The following ASTN2 variants were observed in gnomAD, a reference collection of about 807,000 sequenced individuals.
ASTN2 encodes the protein astrotactin-2.
Under a neutral mutation model 139.8 loss-of-function variants are expected in ASTN2, and 54 were observed. The observed-to-expected ratio is 0.39, with a 90% CI of 0.31 to 0.48. ASTN2 has a LOEUF of 0.48. ASTN2 is among the 20% of genes least tolerant of loss of function. The pLI is 0.95. For missense variants in ASTN2, 1,565 were observed against 1,725.1 expected (o/e 0.91, Z 1.64); for synonymous variants, 756 against 719.5 (o/e 1.05, Z -0.81).
intron 13 of ASTN2, among the ~76,000 whole-genome samples, chr9:116,758,634 C>A (rs934755371): frequency 6.6e-6 from 1 of 152,124 alleles, no homozygotes; most frequent in African/African-American, 2.4e-5. Flanking sequence ...AAGCTTAGTG[C>A]GTATGCAGGG....
intron 2 of ASTN2, among the ~76,000 whole-genome samples, chr9:117,248,460 A>C (rs1306843918): frequency 1.3e-5 from 2 of 152,236 alleles, no homozygotes; most frequent in African/African-American, 2.4e-5. Context: ...CACAATGTCT[A>C]GTGCATACAA....
At chr9:117,328,559 T>A (rs927857938) in intron 1 of ASTN2, among the ~76,000 whole-genome samples, 1 of 152,178 alleles carries the variant, frequency 6.6e-6, no homozygotes, top group Non-Finnish European at 1.5e-5. Context: ...TCTCTAGATA[T>A]GCTATATGCG....
chr9:117,090,022 C>T (rs1471754958), intron 5 of ASTN2, among the ~76,000 whole-genome samples: 1 of 152,172 alleles, frequency 6.6e-6, no homozygotes, highest in East Asian at 1.9e-4. Context: ...ACACATGCTT[C>T]CTGGACCAGA....
intron 10 of ASTN2, among the ~76,000 whole-genome samples, chr9:116,920,328 A>G (rs1282583891): frequency 6.6e-6 from 1 of 152,218 alleles, no homozygotes; most frequent in Non-Finnish European, 1.5e-5. Context: ...AGTGGCTTAA[A>G]AGCAGAAGAA....
intron 2 of ASTN2, among the ~76,000 whole-genome samples, chr9:117,289,909 G>C (rs1834544914): frequency 6.6e-6 from 1 of 152,190 alleles, no homozygotes; most frequent in African/African-American, 2.4e-5. Flanking sequence ...TGTCTGGCTG[G>C]GGAGTGTATG....
At chr9:117,247,443 C>G (rs1033675860) in intron 2 of ASTN2, among the ~76,000 whole-genome samples, 1 of 152,080 alleles carries the variant, frequency 6.6e-6, no homozygotes, top group East Asian at 1.9e-4. Context: ...GTGGTGTGTC[C>G]CCACTGAGTA....
chr9:117,135,968 C>T (rs370467108), intron 4 of ASTN2, among the ~76,000 whole-genome samples: 48 of 152,222 alleles, frequency 3.2e-4, no homozygotes, highest in African/African-American at 1.1e-3. Context: ...ACAGCCCAGG[C>T]TAGGAGGGAG....
chr9:117,013,345 C>G (rs1181451649), intron 6 of ASTN2, among the ~76,000 whole-genome samples: 1 of 151,840 alleles, frequency 6.6e-6, no homozygotes, highest in Non-Finnish European at 1.5e-5. Context: ...AGTGTCCTCC[C>G]CACTTTACTG....
intron 2 of ASTN2, among the ~76,000 whole-genome samples, chr9:117,270,657 C>A (rs2133124211): frequency 6.6e-6 from 1 of 152,322 alleles, no homozygotes; most frequent in South Asian, 2.1e-4. Flanking sequence ...ACATGATAAA[C>A]TTTTCTAAAC....
intron 5 of ASTN2, among the ~76,000 whole-genome samples, chr9:117,071,900 G>A (rs527421940): frequency 2.6e-5 from 4 of 151,900 alleles, no homozygotes; most frequent in Admixed American, 1.3e-4. Context: ...ACTGGCCTGC[G>A]CCCACTGTCT....
chr9:117,364,200 T>TC (rs1005382172), intron 1 of ASTN2, among the ~76,000 whole-genome samples: 1 of 152,116 alleles, frequency 6.6e-6, no homozygotes, highest in African/African-American at 2.4e-5. Context: ...TAGTCCAGCT[T>TC]CCCCCTCTGA....
chr9:117,027,944 G>A (rs13295186), intron 6 of ASTN2, among the ~76,000 whole-genome samples: 16,804 of 152,146 alleles, frequency 0.11, 1,189 homozygotes, highest in Middle Eastern at 0.18. Flanking sequence ...GGTAAAATTG[G>A]TGGTTCTGAG....
intron 1 of ASTN2, among the ~76,000 whole-genome samples, chr9:117,353,853 A>C (rs974808452): frequency 2.6e-5 from 4 of 152,216 alleles, no homozygotes; most frequent in Admixed American, 6.5e-5. Flanking sequence ...GAAAAAAGAA[A>C]ACCATGAAGA....
chr9:116,803,627 C>T (rs1298358094), intron 13 of ASTN2, among the ~76,000 whole-genome samples: 2 of 148,698 alleles, frequency 1.3e-5, no homozygotes, highest in African/African-American at 4.9e-5. Context: ...TGGGTTCATG[C>T]TATTCTCCTG....
intron 20 of ASTN2, among the ~76,000 whole-genome samples, chr9:116,476,405 T>C (rs543005852): frequency 6.6e-6 from 1 of 152,292 alleles, no homozygotes; most frequent in African/African-American, 2.4e-5. Flanking sequence ...CAATCCATCC[T>C]CTCACTTCCT....
intron 19 of ASTN2, among the ~76,000 whole-genome samples, chr9:116,536,417 A>G (rs900496741): frequency 1.3e-5 from 2 of 151,968 alleles, no homozygotes; most frequent in African/African-American, 4.8e-5. Flanking sequence ...GTTCCTTTGG[A>G]GGTGGAGAGG....
intron 20 of ASTN2, among the ~76,000 whole-genome samples, chr9:116,463,027 CTCAGTCATGCCCTGGGTA>C (rs1848540520): frequency 6.6e-6 from 1 of 152,118 alleles, no homozygotes; most frequent in Non-Finnish European, 1.5e-5. Context: ...CATTTAGTCA[CTCAGTCATGCCCTGGGTA>C]TCATCCCCAA....
chr9:117,089,115 T>C (rs1828639370), intron 5 of ASTN2, among the ~76,000 whole-genome samples: 2 of 152,188 alleles, frequency 1.3e-5, no homozygotes, highest in African/African-American at 4.8e-5. Flanking sequence ...GCATGGTTAT[T>C]AGGGTTGCTT....
At chr9:117,072,373 A>G (rs1478226776) in intron 5 of ASTN2, among the ~76,000 whole-genome samples, 1 of 152,172 alleles carries the variant, frequency 6.6e-6, no homozygotes, top group Non-Finnish European at 1.5e-5. Context: ...GAGTATGAAA[A>G]CAAATGCCTT....
Sources: gnomAD v4.1 joint callset for allele counts (sites outside exome capture counted in the v4.1 genomes callset) on GRCh38, gnomAD v4.1.1 for gene constraint, MANE v1.5 for transcripts, NCBI Gene and HGNC (gene_info 2026-07-23, HGNC 2026-07-21) for gene names.